The following WWOX variants were observed in gnomAD, a reference collection of about 807,000 sequenced individuals.
WWOX encodes WW domain-containing oxidoreductase.
WWOX carries 69 observed loss-of-function variants against 46.2 expected under a neutral mutation model. That is an observed-to-expected ratio of 1.49 (90% CI 1.23 to 1.82). The LOEUF is 1.82. WWOX is among the 40% of genes most tolerant of loss of function. The pLI is 0.00. For missense variants in WWOX, 919 were observed against 542.6 expected (o/e 1.69, Z -6.89); for synonymous variants, 359 against 202.6 (o/e 1.77, Z -6.56).
At chr16:78,260,153 C>T (rs544868006) in intron 5 of WWOX, among the ~76,000 whole-genome samples, 1 of 151,480 alleles carries the variant, frequency 6.6e-6, no homozygotes, top group South Asian at 2.1e-4. Flanking sequence ...TGCTGTGCTG[C>T]AGCCTCCACA....
intron 5 of WWOX, among the ~76,000 whole-genome samples, chr16:78,226,543 C>T (rs1256758738): frequency 2.8e-5 from 4 of 143,824 alleles, no homozygotes; most frequent in Non-Finnish European, 6.0e-5. Flanking sequence ...TCCTCCTCCT[C>T]TCCTTTTCTT....
At chr16:79,129,767 T>TAAG (rs1305172759) in intron 8 of WWOX, among the ~76,000 whole-genome samples, 1 of 152,190 alleles carries the variant, frequency 6.6e-6, no homozygotes, top group Non-Finnish European at 1.5e-5. Flanking sequence ...TTGAATTATC[T>TAAG]AGCTCATTCA....
intron 8 of WWOX, among the ~76,000 whole-genome samples, chr16:78,969,512 CCA>C (rs2046429388): frequency 6.6e-6 from 1 of 152,012 alleles, no homozygotes; most frequent in Non-Finnish European, 1.5e-5. Context: ...CTCAAGTGAT[CCA>C]ACCGCCTCAG....
At chr16:78,296,886 A>G (rs1461736485) in intron 5 of WWOX, among the ~76,000 whole-genome samples, 2 of 152,260 alleles carry the variant, frequency 1.3e-5, no homozygotes, top group Admixed American at 6.5e-5. Context: ...TAGCTGGAGC[A>G]GAGACTTTCT....
At chr16:78,174,528 TC>T (rs2035270221) in intron 5 of WWOX, among the ~76,000 whole-genome samples, 1 of 152,224 alleles carries the variant, frequency 6.6e-6, no homozygotes, top group Non-Finnish European at 1.5e-5. Flanking sequence ...AAATTCATGT[TC>T]TTCTGACATG....
chr16:78,527,209 AC>A (rs2043492988), intron 8 of WWOX, among the ~76,000 whole-genome samples: 1 of 152,028 alleles, frequency 6.6e-6, no homozygotes, highest in Non-Finnish European at 1.5e-5. Flanking sequence ...ACCCCACACA[AC>A]CTAAGGACGA....
chr16:78,815,347 G>T (rs939062499), intron 8 of WWOX, among the ~76,000 whole-genome samples: 2 of 151,936 alleles, frequency 1.3e-5, no homozygotes, highest in African/African-American at 2.4e-5. Flanking sequence ...AAAAAAGAAG[G>T]TTTCATACAT....
At chr16:78,973,439 C>A (rs539428867) in intron 8 of WWOX, among the ~76,000 whole-genome samples, 1 of 152,300 alleles carries the variant, frequency 6.6e-6, no homozygotes, top group Middle Eastern at 3.4e-3. Flanking sequence ...ATTAGCCAAC[C>A]AAGTATGAAT....
At chr16:78,356,288 AGT>A (rs1490846051) in intron 5 of WWOX, among the ~76,000 whole-genome samples, 3 of 150,990 alleles carry the variant, frequency 2.0e-5, no homozygotes, top group Admixed American at 6.6e-5. Flanking sequence ...TTCTTTTTCT[AGT>A]GTGTGTGTAC....
At chr16:78,828,216 C>A (rs1001637901) in intron 8 of WWOX, among the ~76,000 whole-genome samples, 1 of 152,136 alleles carries the variant, frequency 6.6e-6, no homozygotes. Flanking sequence ...CAAGACCTGG[C>A]TTCTGCTCCC....
intron 3 of WWOX, among the ~76,000 whole-genome samples, chr16:78,110,569 T>C (rs969691866): frequency 3.3e-5 from 5 of 152,212 alleles, no homozygotes; most frequent in African/African-American, 1.2e-4. Flanking sequence ...TAATTATAAA[T>C]AATGTATTGA....
intron 5 of WWOX, among the ~76,000 whole-genome samples, chr16:78,266,788 TTC>T (rs60393431): frequency 0.15 from 17,585 of 115,418 alleles, 1,197 homozygotes; most frequent in Admixed American, 0.19. Context: ...TATTCTTCTA[TTC>T]TCTCTCTCTC....
At chr16:78,628,871 C>G (rs1407290143) in intron 8 of WWOX, among the ~76,000 whole-genome samples, 2 of 152,180 alleles carry the variant, frequency 1.3e-5, no homozygotes, top group East Asian at 1.9e-4. Flanking sequence ...TGTTGTGAAT[C>G]TCCCATTAGT....
At chr16:79,006,393 A>G (rs906677401) in intron 8 of WWOX, among the ~76,000 whole-genome samples, 2 of 152,038 alleles carry the variant, frequency 1.3e-5, no homozygotes, top group African/African-American at 4.8e-5. Flanking sequence ...AGGGCTGGGG[A>G]GGGGCATGGG....
chr16:79,101,453 A>C (rs76501627), intron 8 of WWOX: 2 of 152,192 alleles, frequency 1.3e-5, no homozygotes, highest in East Asian at 3.9e-4. Flanking sequence ...TTACTTGATG[A>C]CAAAGATCAT....
intron 8 of WWOX, among the ~76,000 whole-genome samples, chr16:78,474,011 C>A (rs767203138): frequency 2.0e-5 from 3 of 152,208 alleles, no homozygotes; most frequent in Non-Finnish European, 2.9e-5. Flanking sequence ...CCTATCAGGA[C>A]CACTTTTACA....
intron 8 of WWOX, among the ~76,000 whole-genome samples, chr16:78,769,231 C>T (rs575515580): frequency 3.9e-5 from 6 of 152,278 alleles, no homozygotes; most frequent in Admixed American, 1.3e-4. Flanking sequence ...ATATACCAGG[C>T]GCTGTTACAG....
chr16:78,928,040 A>G (rs563714690), intron 8 of WWOX, among the ~76,000 whole-genome samples: 2 of 152,118 alleles, frequency 1.3e-5, no homozygotes, highest in South Asian at 4.2e-4. Context: ...TAAACAAACA[A>G]AAAAAATATC....
chr16:78,827,797 C>T (rs185593097), intron 8 of WWOX, among the ~76,000 whole-genome samples: 241 of 152,208 alleles, frequency 1.6e-3, no homozygotes, highest in African/African-American at 5.6e-3. Context: ...GCCGAGATGG[C>T]GCCACTGCAC....
Sources: gnomAD v4.1 joint callset for allele counts (sites outside exome capture counted in the v4.1 genomes callset) on GRCh38, gnomAD v4.1.1 for gene constraint, MANE v1.5 for transcripts, NCBI Gene and HGNC (gene_info 2026-07-23, HGNC 2026-07-21) for gene names.